Variants in POLR3D observed in about 807,000 individuals in gnomAD.
POLR3D encodes DNA-directed RNA polymerase III subunit RPC4.
In POLR3D, 42 loss-of-function variants were observed where a neutral mutation model predicts 44.5. The ratio of observed to expected loss-of-function variants is 0.94; its 90% CI spans 0.74 to 1.22. The LOEUF is 1.22. POLR3D is among the 50% of genes most tolerant of loss of function. The pLI is 0.00. For synonymous variants in POLR3D, 217 were observed against 198.1 expected, an observed-to-expected ratio of 1.10 and a Z score of -0.80; for missense variants, 507 against 505.2, an observed-to-expected ratio of 1.00 and a Z score of -0.03.
At chr8:22,248,927 C>T in intron 6 of POLR3D, 117 bp from the exon 7 acceptor site, 4 of 1,183,272 alleles carry the variant, frequency 3.4e-6, no homozygotes, top group Non-Finnish European at 4.9e-6. Context: ...TAACTGGTGC[C>T]TCCTTCCCAC....
rs924405262 is a variant in POLR3D at position 22,248,260 on chromosome 8, T to A, written c.468T>A (p.Arg156=). ...ETDEETKQIL[R]MLEKDDFLDD... ...ACGAAGAAACTAAACAGATCTTGCG[T>A]ATGCTGGAGAAGGACGATGTGGGTA... is the stretch of plus-strand genomic sequence containing the variant. Residue 156 remains arginine (R), a synonymous_variant, in exon 5 of 9, where the codon CGT becomes CGA. Coordinates refer to ENST00000306433, the MANE Select transcript of POLR3D (RefSeq NM_001722.3). The A allele has an allele frequency of 6.2e-7, 1 of 1,613,946 alleles. No homozygotes were observed. Among genetic ancestry groups the A allele is most frequent in the African/African-American group, 1.3e-5 (1 of 74,902 alleles).
chr8:22,248,379 A>C, intron 5 of POLR3D, 101 bp downstream of exon 5: 1 of 1,572,964 alleles, frequency 6.4e-7, no homozygotes, highest in South Asian at 1.2e-5. Context: ...ATGTCCTGGA[A>C]TCCTGGGGAG....
In POLR3D at chr8:22,250,480, CCT is replaced by C; in HGVS notation, c.1160_1161del (p.Pro387ArgfsTer3). 6.2e-7 allele frequency: 1 copy of C among 1,614,140 alleles called. No individual in the cohort carries two copies. Among genetic ancestry groups the C allele is most frequent in the Non-Finnish European group, 8.5e-7 (1 of 1,180,026 alleles). On this transcript the variant is annotated frameshift_variant, in exon 9 of 9. Transcript: ENST00000306433. LOFTEE classifies it high-confidence loss of function. ...CGTGAAGCACAAACTTGTATGTTCC[CCT>C]GATTTTGAATCCCTCTTGGATCACA... Reference protein sequence around the residue: ...GHVKHKLVCSPDFESLLDHKH... With the variant: ...GHVKHKLVCSXDFESLLDHKH...
At chr8:22,249,433 G>GCAGGCGTCAAGAAT in intron 7 of POLR3D, 124 bp downstream of exon 7, 1 of 1,029,168 alleles carries the variant, frequency 9.7e-7, no homozygotes, top group Non-Finnish European at 1.4e-6. Context: ...GGTTATTCTT[G>GCAGGCGTCAAGAAT]ACGCCTGCAA....
chr8:22,248,936 A>C, intron 6 of POLR3D, 108 bp from the exon 7 acceptor site: 1 of 1,286,820 alleles, frequency 7.8e-7, no homozygotes, highest in South Asian at 1.3e-5. Context: ...CCTCCTTCCC[A>C]CTCCCTGGCT....
At position 22,250,570 on chromosome 8, in the gene POLR3D, C is replaced by T; in HGVS notation, c.*52C>T. 6.2e-7 allele frequency: 1 copy of T among 1,610,984 alleles called. No individual in the cohort carries two copies. The highest frequency in any genetic ancestry group is 2.2e-5 in the East Asian group (1 of 44,858). Reference sequence around the variant, plus strand: ...CTGTGCCCACGGCTGCTGCCTGCTCCAGACATTTTGTTCTTGAATCTGTGA... The same window carrying T: ...CTGTGCCCACGGCTGCTGCCTGCTCTAGACATTTTGTTCTTGAATCTGTGA... On this transcript the variant is annotated 3_prime_UTR_variant, in exon 9 of 9. Transcript: ENST00000306433.
chr8:22,248,283 G>A lies in POLR3D; in HGVS notation c.486+5G>A. ...CGTATGCTGGAGAAGGACGATGTGG[G>A]TACCAGGAGGCTGGGGGAAGGGGTT... On this transcript the variant is annotated splice_donor_5th_base_variant and intron_variant, in intron 5 of 8. Transcript: ENST00000306433. The A allele has an allele frequency of 6.2e-7, 1 of 1,613,320 alleles. No homozygotes were observed. The highest frequency in any genetic ancestry group is 1.1e-5 in the South Asian group (1 of 90,874).
At chr8:22,247,724 G>T (rs1280437966) in intron 3 of POLR3D, 133 bp from the exon 4 acceptor site, 1 of 787,754 alleles carries the variant, frequency 1.3e-6, no homozygotes, top group Non-Finnish European at 2.0e-6. Flanking sequence ...ATTAGGATTG[G>T]ATTCTGCTTC....
chr8:22,248,219 G>A lies in POLR3D; in HGVS notation c.427G>A (p.Glu143Lys), dbSNP rs1830062875. Residue 143 changes from glutamate to lysine, a missense_variant, in exon 5 of 9, where the codon GAG becomes AAG. Transcript: ENST00000306433. ...GPSHIINIKKEKRETDEETKQ... is the reference protein window; with the variant it reads ...GPSHIINIKKKKRETDEETKQ... The stretch of plus-strand genomic sequence containing the variant: ...TTCTCATATCATCAACATCAAAAAA[G>A]AGAAGAGAGAGACAGACGAAGAAAC... 6.2e-7 allele frequency: 1 copy of A among 1,614,078 alleles called. No individual in the cohort carries two copies. Among genetic ancestry groups the A allele is most frequent in the Non-Finnish European group, 8.5e-7 (1 of 1,180,044 alleles).
Position 22,253,389 on chromosome 8 carries a change from T to G in POLR3D, c.*2871T>G, listed in dbSNP as rs929819232. 1 of 152,178 alleles carries G rather than the reference T, an allele frequency of 6.6e-6. No homozygotes were observed. Among genetic ancestry groups the G allele is most frequent in the Non-Finnish European group, 1.5e-5 (1 of 68,020 alleles). The allele number at this position is 152,178 out of a possible 1,614,324, so 9.4% of individuals were successfully genotyped here. On this transcript the variant is annotated 3_prime_UTR_variant, in exon 9 of 9. Coordinates refer to ENST00000306433, the MANE Select transcript of POLR3D (RefSeq NM_001722.3). ...ACGTGCCCACTCTTGGACCAGGCCC[T>G]GGCAAAGGGGGATGGGTCGACTAGT...
chr8:22,246,398 G>T (rs1035140109), intron 2 of POLR3D, among the ~76,000 whole-genome samples: 2 of 151,864 alleles, frequency 1.3e-5, no homozygotes, highest in African/African-American at 4.8e-5. Context: ...CCAAGGTGCT[G>T]GGATTACAGG....
In POLR3D at chr8:22,248,537, G is replaced by T; in HGVS notation, c.543G>T (p.Pro181=). Residue 181 remains proline (P), a synonymous_variant, in exon 6 of 9, where the codon CCG becomes CCT. Transcript: ENST00000306433. ...NDTRNMPVQL[P]LAHSGWLFKE... The stretch of plus-strand genomic sequence containing the variant: ...CTCGAAATATGCCTGTGCAGCTGCC[G>T]CTGGCTCACTCAGGATGGCTTTTTA... 6.2e-7 allele frequency: 1 copy of T among 1,614,146 alleles called. No individual in the cohort carries two copies. The highest frequency in any genetic ancestry group is 8.5e-7 in the Non-Finnish European group (1 of 1,180,008).
At position 22,252,163 on chromosome 8, in the gene POLR3D, A is replaced by G. The variant is rs1393141045; in HGVS notation, c.*1645A>G. The G allele has an allele frequency of 1.3e-5, 2 of 153,806 alleles. No homozygotes were observed. The highest frequency in any genetic ancestry group is 2.1e-4 in the South Asian group (1 of 4,828). The allele number at this position is 153,806 out of a possible 1,614,324, so 9.5% of individuals were successfully genotyped here. A position where few individuals can be genotyped will look rare whatever the true frequency, so the allele number is the denominator to read the frequency against. ...TGGTGCTGAAGCTCATGTCAGCTCCATTGGACAGTGTTATTCTGGGCTCTT... is the reference window on the plus strand; with the variant it reads ...TGGTGCTGAAGCTCATGTCAGCTCCGTTGGACAGTGTTATTCTGGGCTCTT... On this transcript the variant is annotated 3_prime_UTR_variant, in exon 9 of 9. Coordinates refer to ENST00000306433, the MANE Select transcript of POLR3D (RefSeq NM_001722.3).
At position 22,250,528 on chromosome 8, in the gene POLR3D, G is replaced by A. The variant is rs1321208619; in HGVS notation, c.*10G>A. 1.2e-6 allele frequency: 2 copies of A among 1,613,760 alleles called. No homozygotes were observed. The highest frequency in any genetic ancestry group is 1.3e-5 in the African/African-American group (1 of 75,032). On this transcript the variant is annotated 3_prime_UTR_variant, in exon 9 of 9. Transcript: ENST00000306433. ...TCACAAACACCGGTAAAATGAGCAG[G>A]TGGAGGAGGACGGCGCCTGTGCCCA... is the stretch of plus-strand genomic sequence containing the variant.
At position 22,250,613 on chromosome 8, in the gene POLR3D, C is replaced by T; in HGVS notation, c.*95C>T. The T allele has an allele frequency of 6.8e-7, 1 of 1,472,818 alleles. No individual in the cohort carries two copies. The highest frequency in any genetic ancestry group is 1.2e-5 in the South Asian group (1 of 82,986). The allele number at this position is 1,472,818 out of a possible 1,614,324, so 91.2% of individuals were successfully genotyped here. ...ATCTGTGAGACCCAGAAGGGGCCCA[C>T]TGAGCCCACTCACTCCAGCCTTTGG... On this transcript the variant is annotated 3_prime_UTR_variant, in exon 9 of 9. Coordinates refer to ENST00000306433, the MANE Select transcript of POLR3D (RefSeq NM_001722.3).
At chr8:22,248,350 G>A (rs1830064534) in intron 5 of POLR3D, 72 bp downstream of exon 5, 1 of 1,586,156 alleles carries the variant, frequency 6.3e-7, no homozygotes, top group Non-Finnish European at 8.6e-7. Flanking sequence ...AGCCAGGTGA[G>A]GGGTAGAAGA....
chr8:22,249,657 A>G (rs1004741720), intron 7 of POLR3D, among the ~76,000 whole-genome samples: 2 of 152,116 alleles, frequency 1.3e-5, no homozygotes, highest in African/African-American at 4.8e-5. Context: ...TGGTGACACC[A>G]TGGCTAATAC....
chr8:22,245,306 C>A, intron 1 of POLR3D, 123 bp downstream of exon 1: 1 of 576,876 alleles, frequency 1.7e-6, no homozygotes. Context: ...TCCCGGGAGT[C>A]TCGCCACGTG....
rs772121117 is a variant in POLR3D at position 22,248,011 on chromosome 8, A to C, written c.361+3A>C. 6 of 1,612,994 alleles carry C rather than the reference A, an allele frequency of 3.7e-6. No individual in the cohort carries two copies. The South Asian group carries it at 5.5e-5, about 15-fold the overall frequency. On this transcript the variant is annotated splice_donor_region_variant and intron_variant, in intron 4 of 8. Transcript: ENST00000306433. Reference sequence around the variant, plus strand: ...AGCTGAAATGATGAAGAAAAAAGGTATAAGGAAGGAATCAGTGAATTTCAG... The same window carrying C: ...AGCTGAAATGATGAAGAAAAAAGGTCTAAGGAAGGAATCAGTGAATTTCAG...
Sources: allele counts gnomAD v4.1 joint callset (sites outside exome capture counted in the v4.1 genomes callset), GRCh38; gene constraint gnomAD v4.1.1; transcripts MANE v1.5; gene names NCBI Gene and HGNC (gene_info 2026-07-23, HGNC 2026-07-21).